The following FAM81A variants were observed in gnomAD, a reference collection of about 807,000 sequenced individuals.
FAM81A encodes family with sequence similarity 81 member A.
FAM81A carries 19 observed loss-of-function variants against 46.7 expected under a neutral mutation model. The ratio of observed to expected loss-of-function variants is 0.41; its 90% CI spans 0.28 to 0.60. FAM81A has a LOEUF of 0.60. Ranked by LOEUF, FAM81A falls within the 20% of genes least tolerant of loss-of-function variation. FAM81A has a pLI of 0.34. For synonymous variants in FAM81A, 183 were observed against 152.9 expected, an observed-to-expected ratio of 1.20 and a Z score of -1.45; for missense variants, 377 against 453.5, an observed-to-expected ratio of 0.83 and a Z score of 1.53.
chr15:59,437,737 G>A (rs2081253131), upstream of FAM81A, among the ~76,000 whole-genome samples: 1 of 152,112 alleles, frequency 6.6e-6, no homozygotes, highest in South Asian at 2.1e-4. Context: ...GTGGGAAAGC[G>A]GTTTAGTAAA....
chr15:59,423,368 G>A (rs1220200932), intron 2 of FAM81A, among the ~76,000 whole-genome samples: 1 of 152,248 alleles, frequency 6.6e-6, no homozygotes, highest in African/African-American at 2.4e-5. Context: ...AAAGTGCTGG[G>A]ATTACAGGCG....
intron 2 of FAM81A, among the ~76,000 whole-genome samples, chr15:59,414,736 C>G (rs1263397365): frequency 6.6e-6 from 1 of 152,124 alleles, no homozygotes; most frequent in East Asian, 1.9e-4. Flanking sequence ...ACCTCCAGCT[C>G]TAAGTAATCA....
intron 1 of FAM81A, among the ~76,000 whole-genome samples, chr15:59,447,314 T>G (rs1267247917): frequency 6.6e-6 from 1 of 152,200 alleles, no homozygotes; most frequent in African/African-American, 2.4e-5. Context: ...GGATGCCTAA[T>G]GTCTTAGAGA....
chr15:59,410,283 C>A (rs1248656771), intron 2 of FAM81A, among the ~76,000 whole-genome samples: 2 of 151,756 alleles, frequency 1.3e-5, no homozygotes, highest in Non-Finnish European at 2.9e-5. Context: ...GCAACAAGAG[C>A]GAAACTCCAT....
At chr15:59,421,706 ACTATCTAT>A (rs56085471) in intron 2 of FAM81A, among the ~76,000 whole-genome samples, 25,759 of 148,892 alleles carry the variant, frequency 0.17, 2,992 homozygotes, top group South Asian at 0.34. Flanking sequence ...AAACCCTTAA[ACTATCTAT>A]CTGTCTGTCT....
chr15:59,476,884 G>T (rs1380388423), intron 3 of FAM81A, among the ~76,000 whole-genome samples: 1 of 151,654 alleles, frequency 6.6e-6, no homozygotes, highest in Non-Finnish European at 1.5e-5. Context: ...CACTTTGGGA[G>T]ACCAAGGTGG....
At chr15:59,401,500 A>T in intron 1 of FAM81A, 1 of 750,778 alleles carries the variant, frequency 1.3e-6, no homozygotes, top group Admixed American at 1.9e-5. Context: ...TGAATCTTTC[A>T]TACTTAGGTG....
chr15:59,495,766 A>C (rs1242524871), intron 4 of FAM81A, among the ~76,000 whole-genome samples: 1 of 152,234 alleles, frequency 6.6e-6, no homozygotes, highest in Non-Finnish European at 1.5e-5. Context: ...CCTGAGGACT[A>C]ATGGTGTTGA....
At chr15:59,412,272 CG>C (rs2081124433) in intron 2 of FAM81A, among the ~76,000 whole-genome samples, 1 of 151,996 alleles carries the variant, frequency 6.6e-6, no homozygotes, top group Non-Finnish European at 1.5e-5. Flanking sequence ...TATGATGGCA[CG>C]GGAGGTTCAG....
intron 2 of FAM81A, among the ~76,000 whole-genome samples, chr15:59,428,908 G>T (rs1320980486): frequency 1.3e-5 from 2 of 152,080 alleles, no homozygotes; most frequent in Non-Finnish European, 2.9e-5. Flanking sequence ...TGGGATTACA[G>T]GCGTGAGCCA....
chr15:59,414,928 G>T (rs1596461718), intron 2 of FAM81A, among the ~76,000 whole-genome samples: 1 of 151,596 alleles, frequency 6.6e-6, no homozygotes, highest in East Asian at 1.9e-4. Flanking sequence ...CCATTCTCCT[G>T]CCTCAGCCTC....
At chr15:59,435,449 C>G (rs563329739), upstream of FAM81A, among the ~76,000 whole-genome samples, 10 of 150,928 alleles carry the variant, frequency 6.6e-5, no homozygotes, top group South Asian at 2.1e-3. Context: ...GCAAAACCCC[C>G]TCTCTACTAA....
chr15:59,498,567 G>T (rs2082057953), intron 4 of FAM81A, among the ~76,000 whole-genome samples: 1 of 152,210 alleles, frequency 6.6e-6, no homozygotes, highest in Admixed American at 6.5e-5. Context: ...TTGAATAAAT[G>T]TGGTGAGAGC....
At chr15:59,433,561 T>C (rs921017308), upstream of FAM81A, among the ~76,000 whole-genome samples, 1 of 152,208 alleles carries the variant, frequency 6.6e-6, no homozygotes, top group Non-Finnish European at 1.5e-5. Flanking sequence ...AATGAGCCTA[T>C]ACATGAAGAA....
chr15:59,421,869 C>CTCTGTCTA (rs1365614082), intron 2 of FAM81A, among the ~76,000 whole-genome samples: 3 of 146,974 alleles, frequency 2.0e-5, no homozygotes, highest in African/African-American at 7.6e-5. Flanking sequence ...ACCCTCAACC[C>CTCTGTCTA]TCTATCTATC....
intron 2 of FAM81A, among the ~76,000 whole-genome samples, chr15:59,430,101 G>A (rs1414584423): frequency 6.6e-6 from 1 of 152,162 alleles, no homozygotes; most frequent in Non-Finnish European, 1.5e-5. Flanking sequence ...TGGTGGTGGT[G>A]ATCACGGACT....
chr15:59,487,235 T>A (rs899358266), intron 3 of FAM81A, among the ~76,000 whole-genome samples: 3 of 146,016 alleles, frequency 2.1e-5, no homozygotes, highest in East Asian at 3.9e-4. Context: ...TATATATATA[T>A]TATATATATA....
intron 5 of FAM81A, among the ~76,000 whole-genome samples, chr15:59,508,375 C>T (rs1284276110): frequency 6.6e-6 from 1 of 152,138 alleles, no homozygotes; most frequent in Non-Finnish European, 1.5e-5. Context: ...GCAGTAAAGA[C>T]AAGGGACATG....
upstream of FAM81A, among the ~76,000 whole-genome samples, chr15:59,436,741 T>A (rs181851742): frequency 2.7e-4 from 41 of 152,212 alleles, no homozygotes; most frequent in East Asian, 7.1e-3. Context: ...CACCAGGCAG[T>A]GGGAATCTAA....
Sources: gnomAD v4.1 joint callset for allele counts (sites outside exome capture counted in the v4.1 genomes callset) on GRCh38, gnomAD v4.1.1 for gene constraint, MANE v1.5 for transcripts, NCBI Gene and HGNC (gene_info 2026-07-23, HGNC 2026-07-21) for gene names.